Variants in C2orf66 observed in about 807,000 individuals in gnomAD.
The protein encoded by C2orf66 is uncharacterized protein C2orf66.
Under a neutral mutation model 7.0 loss-of-function variants are expected in C2orf66, and 6 were observed. The observed-to-expected ratio is 0.86, with a 90% CI of 0.47 to 1.69. The LOEUF is 1.69. C2orf66 is among the 40% of genes most tolerant of loss of function. The pLI, the probability that C2orf66 is intolerant of heterozygous loss-of-function variation, is 0.01. For missense variants in C2orf66, 107 were observed against 112.0 expected, an observed-to-expected ratio of 0.96 and a Z score of 0.20; for synonymous variants, 38 against 43.8, an observed-to-expected ratio of 0.87 and a Z score of 0.52.
At chr2:196,811,519 A>G (rs1003507332), upstream of C2orf66, among the ~76,000 whole-genome samples, 1 of 152,086 alleles carries the variant, frequency 6.6e-6, no homozygotes, top group Non-Finnish European at 1.5e-5. Flanking sequence ...GGCTAAGGAG[A>G]TGGGAGTTTC....
upstream of C2orf66, among the ~76,000 whole-genome samples, chr2:196,813,318 G>C (rs142405330): frequency 5.1e-3 from 778 of 152,230 alleles, 4 homozygotes; most frequent in African/African-American, 0.018. Context: ...GCAAAAACAA[G>C]CAATGGGGAA....
the C2orf66 span, among the ~76,000 whole-genome samples, chr2:196,820,109 T>G: frequency 8.5e-5 from 13 of 152,220 alleles, no homozygotes; most frequent in Non-Finnish European, 1.3e-4. Context: ...CAATAAGAAA[T>G]AATTCATATT....
chr2:196,831,276 G>A, the C2orf66 span, among the ~76,000 whole-genome samples: 1 of 152,176 alleles, frequency 6.6e-6, no homozygotes, highest in African/African-American at 2.4e-5. Flanking sequence ...CCCCTTACTG[G>A]AGGTTTCTTG....
chr2:196,806,925 C>T (rs1412150992), intron 2 of C2orf66, among the ~76,000 whole-genome samples: 1 of 151,988 alleles, frequency 6.6e-6, no homozygotes, highest in African/African-American at 2.4e-5. Flanking sequence ...GAGAAAAATG[C>T]CATCCTTACT....
At chr2:196,813,269 C>G (rs1699892887), upstream of C2orf66, among the ~76,000 whole-genome samples, 3 of 152,094 alleles carry the variant, frequency 2.0e-5, no homozygotes. Context: ...TCAGAAATAA[C>G]ACCACACATC....
the C2orf66 span, among the ~76,000 whole-genome samples, chr2:196,827,475 TCCCTCCAC>T: frequency 0.03 from 4,622 of 152,136 alleles, 130 homozygotes; most frequent in Non-Finnish European, 0.037. Context: ...TTCCTCCTCT[TCCCTCCAC>T]CCCAATCCTG....
the C2orf66 span, among the ~76,000 whole-genome samples, chr2:196,817,681 T>A: frequency 6.6e-6 from 1 of 152,160 alleles, no homozygotes; most frequent in African/African-American, 2.4e-5. Context: ...GGTATTTCAG[T>A]CCTTATCTCA....
chr2:196,830,095 T>C, the C2orf66 span, among the ~76,000 whole-genome samples: 9 of 152,222 alleles, frequency 5.9e-5, no homozygotes, highest in African/African-American at 2.2e-4. Flanking sequence ...AATCGGAACC[T>C]GTACTAAAAC....
chr2:196,810,399 G>T (rs1699863058), upstream of C2orf66: 1 of 152,136 alleles, frequency 6.6e-6, no homozygotes, highest in African/African-American at 2.4e-5. Flanking sequence ...CCTATACCTT[G>T]TACTTTTTTC....
the C2orf66 span, among the ~76,000 whole-genome samples, chr2:196,826,806 G>A: frequency 6.6e-6 from 1 of 152,190 alleles, no homozygotes; most frequent in Non-Finnish European, 1.5e-5. Flanking sequence ...ACCGAGGTGG[G>A]CAGATCACGA....
intron 2 of C2orf66, among the ~76,000 whole-genome samples, chr2:196,807,122 C>T (rs1187967226): frequency 6.6e-6 from 1 of 152,070 alleles, no homozygotes; most frequent in African/African-American, 2.4e-5. Flanking sequence ...GAAAAAGATA[C>T]AGGTAAGAGT....
chr2:196,826,862 C>G, the C2orf66 span, among the ~76,000 whole-genome samples: 1 of 152,086 alleles, frequency 6.6e-6, no homozygotes, highest in East Asian at 1.9e-4. Flanking sequence ...GAAGCCCCAT[C>G]TCTAATAAAA....
chr2:196,807,348 T>A, intron 2 of C2orf66, 76 bp downstream of exon 2: 2 of 861,290 alleles, frequency 2.3e-6, no homozygotes, highest in East Asian at 2.6e-5. Context: ...TGTTTTCAAA[T>A]AAATACTTTC....
At chr2:196,809,369 G>A (rs781074078), upstream of C2orf66, 26 of 1,611,958 alleles carry the variant, frequency 1.6e-5, no homozygotes, top group African/African-American at 1.5e-4. Flanking sequence ...GAGGGGATGC[G>A]GGAGCTGTCA....
the C2orf66 span, among the ~76,000 whole-genome samples, chr2:196,825,300 A>C: frequency 1.8e-4 from 27 of 152,206 alleles, no homozygotes; most frequent in Admixed American, 3.9e-4. Flanking sequence ...GCCAACAGGT[A>C]TATGAAAAAA....
At chr2:196,815,431 T>C in the C2orf66 span, among the ~76,000 whole-genome samples, 1 of 152,170 alleles carries the variant, frequency 6.6e-6, no homozygotes, top group South Asian at 2.1e-4. Context: ...ACCCACAATA[T>C]TTTAGGTTCT....
upstream of C2orf66, among the ~76,000 whole-genome samples, chr2:196,811,001 G>A (rs969289601): frequency 1.3e-5 from 2 of 152,252 alleles, no homozygotes; most frequent in Admixed American, 1.3e-4. Context: ...ATTTGATTCA[G>A]TCTGAGAGCC....
At position 196,804,808 on chromosome 2, in the gene C2orf66, G is replaced by T. The variant is rs1049697379; in HGVS notation, c.*620C>A. The stretch of plus-strand genomic sequence containing the variant: ...AATACTCTGGCAAAGAGCATCTTTG[G>T]AGGCGTTGACAACTTCTAGAATCCC... On this transcript the variant is annotated 3_prime_UTR_variant, in exon 3 of 3. Transcript: ENST00000342506. Among the ~76,000 whole-genome samples, 1 of 152,210 alleles carries T rather than the reference G, an allele frequency of 6.6e-6. No individual in the cohort carries two copies. The highest frequency in any genetic ancestry group is 2.4e-5 in the African/African-American group (1 of 41,454).
the C2orf66 span, among the ~76,000 whole-genome samples, chr2:196,826,442 T>C: frequency 6.6e-6 from 1 of 152,220 alleles, no homozygotes; most frequent in Non-Finnish European, 1.5e-5. Flanking sequence ...GAGATGATTT[T>C]CCAAAACACA....
Sources: gnomAD v4.1 joint callset for allele counts (sites outside exome capture counted in the v4.1 genomes callset) on GRCh38, gnomAD v4.1.1 for gene constraint, MANE v1.5 for transcripts, NCBI Gene and HGNC (gene_info 2026-07-23, HGNC 2026-07-21) for gene names.